Variants in ARHGAP25 observed in about 807,000 individuals in gnomAD.
ARHGAP25 encodes Rho GTPase activating protein 25, also known as rho GTPase-activating protein 25.
A neutral mutation model predicts 71.0 loss-of-function variants in ARHGAP25; 34 were observed. The observed-to-expected ratio is 0.48, with a 90% CI of 0.36 to 0.64. ARHGAP25 has a LOEUF of 0.64. Among genes scored for constraint, ARHGAP25 ranks in the 30% least tolerant of loss-of-function variants. The pLI is 0.00. For missense variants in ARHGAP25, 706 were observed against 805.1 expected (o/e 0.88, Z 1.49); for synonymous variants, 282 against 296.5 (o/e 0.95, Z 0.50).
At chr2:68,771,434 A>C (rs1395578259) in intron 1 of ARHGAP25, among the ~76,000 whole-genome samples, 1 of 152,230 alleles carries the variant, frequency 6.6e-6, no homozygotes, top group Non-Finnish European at 1.5e-5. Flanking sequence ...CTCCATTAAT[A>C]GTAACAGATC....
intron 2 of ARHGAP25, among the ~76,000 whole-genome samples, chr2:68,720,035 TG>T (rs1268463561): frequency 1.3e-5 from 2 of 152,200 alleles, no homozygotes; most frequent in African/African-American, 4.8e-5. Flanking sequence ...TAATGTTACA[TG>T]AAGACCAAAT....
At chr2:68,763,999 T>C (rs1676979319) in intron 1 of ARHGAP25, among the ~76,000 whole-genome samples, 2 of 152,318 alleles carry the variant, frequency 1.3e-5, no homozygotes, top group South Asian at 4.1e-4. Context: ...ACATTTTTAT[T>C]ACCCCAAAAA....
In ARHGAP25 at chr2:68,826,072, C is replaced by G; in HGVS notation, c.1819C>G (p.Leu607Val). The G allele has an allele frequency of 6.2e-7, 1 of 1,614,040 alleles. No individual in the cohort carries two copies. Among genetic ancestry groups the G allele is most frequent in the Non-Finnish European group, 8.5e-7 (1 of 1,179,986 alleles). Reference sequence around the variant, plus strand: ...GAAGGAAAAGAAGAAGTCTGCAGCCCTAGAGATCAGCCTCCGCAACATGGA... The same window carrying G: ...GAAGGAAAAGAAGAAGTCTGCAGCCGTAGAGATCAGCCTCCGCAACATGGA... The part of the protein sequence containing the change: ...LEKEKKKSAA[L>V]EISLRNMERS... The change falls in exon 11 of 11, where the codon CTA becomes GTA. Residue 607 changes from leucine to valine, a missense_variant. Physicochemically the swap from Leu to Val is conservative, Grantham distance 32 (BLOSUM62 1). Transcript: ENST00000409202.
upstream of ARHGAP25, among the ~76,000 whole-genome samples, chr2:68,732,339 A>G (rs7590468): frequency 0.34 from 52,364 of 152,116 alleles, 9,282 homozygotes; most frequent in South Asian, 0.46. Context: ...GTGTTTCTTA[A>G]TGACACCTTC....
intron 2 of ARHGAP25, among the ~76,000 whole-genome samples, chr2:68,712,818 T>C (rs956499647): frequency 4.6e-5 from 7 of 152,198 alleles, no homozygotes; most frequent in African/African-American, 9.7e-5. Context: ...CAGATGGTTG[T>C]AGATGTGTAG....
intron 2 of ARHGAP25, among the ~76,000 whole-genome samples, chr2:68,728,453 C>T (rs1440699778): frequency 6.6e-6 from 1 of 152,058 alleles, no homozygotes; most frequent in Non-Finnish European, 1.5e-5. Context: ...AACATAAAGT[C>T]ACCATATAAC....
intron 1 of ARHGAP25, among the ~76,000 whole-genome samples, chr2:68,746,794 G>A: frequency 6.6e-6 from 1 of 151,912 alleles, no homozygotes; most frequent in African/African-American, 2.4e-5. Context: ...ATCACCTGAG[G>A]TTGGGCGTTC....
At chr2:68,728,684 C>T (rs10167976) in intron 2 of ARHGAP25, among the ~76,000 whole-genome samples, 2,530 of 152,080 alleles carry the variant, frequency 0.017, 83 homozygotes, top group African/African-American at 0.057. Flanking sequence ...ATCACTTGAG[C>T]CCAGAAGTTT....
chr2:68,808,219 G>T (rs140052823), intron 5 of ARHGAP25, among the ~76,000 whole-genome samples: 127 of 152,198 alleles, frequency 8.3e-4, no homozygotes, highest in African/African-American at 2.9e-3. Flanking sequence ...GCGTGAACTT[G>T]TCCTGCTGGC....
intron 5 of ARHGAP25, among the ~76,000 whole-genome samples, chr2:68,811,470 CT>C (rs1680809937): frequency 1.3e-5 from 2 of 152,174 alleles, no homozygotes; most frequent in South Asian, 4.1e-4. Context: ...TTTTTCTAGC[CT>C]GGCTTTGCCT....
intron 1 of ARHGAP25, among the ~76,000 whole-genome samples, chr2:68,760,202 T>C (rs898999916): frequency 6.6e-6 from 1 of 151,892 alleles, no homozygotes; most frequent in African/African-American, 2.4e-5. Context: ...GTAATAAAAG[T>C]CATATGTAAA....
At chr2:68,796,039 A>C (rs1370128815) in intron 4 of ARHGAP25, among the ~76,000 whole-genome samples, 1 of 151,506 alleles carries the variant, frequency 6.6e-6, no homozygotes, top group Non-Finnish European at 1.5e-5. Flanking sequence ...TTTTTTCTTT[A>C]TTTTTGCCTG....
intron 4 of ARHGAP25, among the ~76,000 whole-genome samples, chr2:68,798,484 A>G (rs1325524408): frequency 6.6e-6 from 1 of 151,046 alleles, no homozygotes; most frequent in Non-Finnish European, 1.5e-5. Context: ...ACACTGGGGC[A>G]CAACAGTGAG....
In ARHGAP25 at chr2:68,738,393, G is replaced by A. The variant is rs560625954; in HGVS notation, c.61+3133G>A. 4.6e-5 allele frequency among the ~76,000 whole-genome samples: 7 copies of A among 152,208 alleles called. 1 individual carries two copies. The highest frequency in any genetic ancestry group is 1.7e-4 in the African/African-American group (7 of 41,540). On this transcript the variant is annotated intron_variant, in intron 1 of 10. Coordinates refer to ENST00000409202, the MANE Select transcript of ARHGAP25 (RefSeq NM_001007231.3). ...AAATGCTGGTTCCCCAGTTTCAGGA[G>A]AATCCTGAAACTATATAGCCCATGG...
intron 9 of ARHGAP25, among the ~76,000 whole-genome samples, chr2:68,821,821 A>G (rs2103719972): frequency 1.3e-5 from 2 of 149,624 alleles, no homozygotes; most frequent in South Asian, 4.2e-4. Context: ...TTGGTTGTTG[A>G]TCTCTTTCTT....
At chr2:68,809,192 T>C (rs971145271) in intron 5 of ARHGAP25, among the ~76,000 whole-genome samples, 11 of 152,244 alleles carry the variant, frequency 7.2e-5, no homozygotes, top group African/African-American at 2.6e-4. Flanking sequence ...AAACCCTCTT[T>C]TCCCCTTTTT....
intron 7 of ARHGAP25, 140 bp from the exon 8 acceptor site, chr2:68,817,733 T>C: frequency 9.4e-7 from 1 of 1,062,192 alleles, no homozygotes; most frequent in Non-Finnish European, 1.3e-6. Context: ...GCTAAATTCT[T>C]GTGGGCAGAG....
At chr2:68,749,066 A>C (rs1028551726) in intron 1 of ARHGAP25, among the ~76,000 whole-genome samples, 1 of 152,020 alleles carries the variant, frequency 6.6e-6, no homozygotes, top group Non-Finnish European at 1.5e-5. Flanking sequence ...AGAAGCTTAG[A>C]GAGAGAGGGA....
intron 10 of ARHGAP25, among the ~76,000 whole-genome samples, chr2:68,825,403 C>T (rs894663723): frequency 1.3e-5 from 2 of 151,994 alleles, no homozygotes; most frequent in African/African-American, 2.4e-5. Context: ...CTTTGTTATC[C>T]GGTTGAAGAT....
Sources: gnomAD v4.1 joint callset for allele counts (sites outside exome capture counted in the v4.1 genomes callset) on GRCh38, gnomAD v4.1.1 for gene constraint, MANE v1.5 for transcripts, NCBI Gene and HGNC (gene_info 2026-07-23, HGNC 2026-07-21) for gene names.